The following EPHA6 variants were observed in gnomAD, a reference collection of about 807,000 sequenced individuals.
EPHA6 encodes the protein EPH receptor A6.
EPHA6 carries 50 observed loss-of-function variants against 112.0 expected under a neutral mutation model. The observed-to-expected ratio is 0.45, with a 90% CI of 0.36 to 0.56. EPHA6 has a LOEUF of 0.56. Among genes scored for constraint, EPHA6 ranks in the 20% least tolerant of loss-of-function variants. EPHA6 has a pLI of 0.00. For missense variants in EPHA6, 1,280 were observed against 1,417.4 expected (o/e 0.90, Z 1.56); for synonymous variants, 529 against 490.7 (o/e 1.08, Z -1.03).
chr3:97,485,676 A>G (rs2091682184), intron 10 of EPHA6, among the ~76,000 whole-genome samples: 1 of 152,238 alleles, frequency 6.6e-6, no homozygotes, highest in African/African-American at 2.4e-5. Context: ...TCCACTGAAC[A>G]AAGAGCACAT....
intron 4 of EPHA6, among the ~76,000 whole-genome samples, chr3:97,236,927 A>G (rs564631264): frequency 2.0e-5 from 3 of 152,152 alleles, no homozygotes; most frequent in Admixed American, 2.0e-4. Flanking sequence ...CAGGATGCTC[A>G]CAATCCAAGC....
chr3:97,506,272 A>C (rs2092250793), intron 10 of EPHA6, among the ~76,000 whole-genome samples: 1 of 152,138 alleles, frequency 6.6e-6, no homozygotes, highest in Admixed American at 6.5e-5. Flanking sequence ...CCACGTCCTG[A>C]ATGGTATTGC....
chr3:96,853,211 T>C (rs747184704), intron 1 of EPHA6, among the ~76,000 whole-genome samples: 11 of 148,244 alleles, frequency 7.4e-5, no homozygotes, highest in Admixed American at 3.3e-4. Flanking sequence ...TATTTTGTTT[T>C]ATTTTCTGAG....
At chr3:97,241,324 T>G (rs968492612) in intron 4 of EPHA6, among the ~76,000 whole-genome samples, 1 of 151,850 alleles carries the variant, frequency 6.6e-6, no homozygotes, top group Non-Finnish European at 1.5e-5. Context: ...GAAGTTAGTC[T>G]GGAGGGTGAA....
At chr3:97,668,911 CAAAAAAAAAAAAAAAAAAAAAA>C (rs397990599) in intron 14 of EPHA6, among the ~76,000 whole-genome samples, 1 of 31,904 alleles carries the variant, frequency 3.1e-5, no homozygotes, top group Non-Finnish European at 5.3e-5. Flanking sequence ...GACTCTGTCT[CAAAAAAAAAAAAAAAAAAAAAA>C]AAAAAAAAAA....
intron 2 of EPHA6, among the ~76,000 whole-genome samples, chr3:96,867,883 T>G (rs2036408619): frequency 6.6e-6 from 1 of 151,890 alleles, no homozygotes; most frequent in African/African-American, 2.4e-5. Flanking sequence ...CTATGAAGAG[T>G]GAAATCTTCC....
At chr3:96,989,136 C>T (rs185048849) in intron 3 of EPHA6, among the ~76,000 whole-genome samples, 132 of 152,168 alleles carry the variant, frequency 8.7e-4, no homozygotes, top group African/African-American at 3.0e-3. Context: ...ATGTTATATT[C>T]ACATTCATTA....
chr3:97,572,220 G>A (rs537256186), intron 11 of EPHA6, among the ~76,000 whole-genome samples: 16 of 143,086 alleles, frequency 1.1e-4, no homozygotes, highest in Admixed American at 1.5e-4. Flanking sequence ...GCACTATCTC[G>A]GCTCACTGCA....
At chr3:97,384,228 A>G (rs1270427204) in intron 5 of EPHA6, among the ~76,000 whole-genome samples, 2 of 152,208 alleles carry the variant, frequency 1.3e-5, no homozygotes, top group African/African-American at 2.4e-5. Flanking sequence ...AATAATATAC[A>G]TATTCCTCAC....
intron 2 of EPHA6, among the ~76,000 whole-genome samples, chr3:96,952,881 G>A (rs2041607277): frequency 6.6e-6 from 1 of 152,030 alleles, no homozygotes; most frequent in South Asian, 2.1e-4. Context: ...GGTGGGAGGA[G>A]GGAGAGGATT....
intron 3 of EPHA6, among the ~76,000 whole-genome samples, chr3:97,124,419 G>A (rs1162977620): frequency 6.6e-6 from 1 of 151,132 alleles, no homozygotes; most frequent in African/African-American, 2.4e-5. Flanking sequence ...GGCCATCACA[G>A]GCATACAGAA....
At chr3:96,989,491 A>G (rs755133901) in intron 3 of EPHA6, among the ~76,000 whole-genome samples, 5 of 152,226 alleles carry the variant, frequency 3.3e-5, no homozygotes, top group Admixed American at 6.5e-5. Context: ...ACCATAAATT[A>G]TCCTGGAGTT....
At chr3:97,525,290 T>C (rs746424893) in intron 10 of EPHA6, among the ~76,000 whole-genome samples, 32 of 152,050 alleles carry the variant, frequency 2.1e-4, no homozygotes, top group Non-Finnish European at 1.8e-4. Flanking sequence ...AACTATTGAG[T>C]TTTTCAATTC....
chr3:97,103,861 C>T (rs2047483101), intron 3 of EPHA6, among the ~76,000 whole-genome samples: 1 of 151,974 alleles, frequency 6.6e-6, no homozygotes, highest in South Asian at 2.1e-4. Flanking sequence ...AGCTTTTTCA[C>T]CTCCCTGGTT....
At chr3:97,199,621 C>T (rs1290300675) in intron 3 of EPHA6, among the ~76,000 whole-genome samples, 1 of 152,142 alleles carries the variant, frequency 6.6e-6, no homozygotes, top group African/African-American at 2.4e-5. Flanking sequence ...CCAACTTGAG[C>T]AGTCTTAACC....
At chr3:96,824,952 A>T (rs566257783) in intron 1 of EPHA6, among the ~76,000 whole-genome samples, 1 of 152,114 alleles carries the variant, frequency 6.6e-6, no homozygotes, top group South Asian at 2.1e-4. Flanking sequence ...TTAAAATACA[A>T]TATAAGATGG....
At position 97,349,845 on chromosome 3, in the gene EPHA6, T is replaced by C. The variant is rs78210038; in HGVS notation, c.1607-55305T>C. On this transcript the variant is annotated intron_variant, in intron 5 of 17. Coordinates refer to ENST00000389672, the MANE Select transcript of EPHA6 (RefSeq NM_001080448.3). The stretch of plus-strand genomic sequence containing the variant: ...CCCTCACAACTCATGTTCAACATTA[T>C]GTTCCAGACGTGATAAAAATTTTTA... Among the ~76,000 whole-genome samples, 46 of 152,224 alleles carry C rather than the reference T, an allele frequency of 3.0e-4. No individual in the cohort carries two copies. In the East Asian group the frequency reaches 8.3e-3, roughly 27 times the overall value.
At chr3:97,588,329 G>A (rs1243500205) in intron 11 of EPHA6, among the ~76,000 whole-genome samples, 1 of 152,134 alleles carries the variant, frequency 6.6e-6, no homozygotes, top group Admixed American at 6.6e-5. Context: ...ACACATATGT[G>A]TGCATGTATT....
chr3:97,484,162 A>G, intron 10 of EPHA6, 103 bp downstream of exon 10: 1 of 1,053,852 alleles, frequency 9.5e-7, no homozygotes, highest in Non-Finnish European at 1.3e-6. Context: ...GTCATTGAAA[A>G]GTTTTAACAA....
Sources: gnomAD v4.1 joint callset for allele counts (sites outside exome capture counted in the v4.1 genomes callset) on GRCh38, gnomAD v4.1.1 for gene constraint, MANE v1.5 for transcripts, NCBI Gene and HGNC (gene_info 2026-07-23, HGNC 2026-07-21) for gene names.